Variants in CLDN10 observed in about 807,000 individuals in gnomAD.
CLDN10 encodes the protein claudin 10, also known as claudin-10.
Under a neutral mutation model 22.9 loss-of-function variants are expected in CLDN10, and 15 were observed. That is an observed-to-expected ratio of 0.65 (90% CI 0.44 to 1.01). The LOEUF (loss-of-function observed/expected upper bound fraction) is 1.01, where lower values mean the gene tolerates loss of function less well. Among genes scored for constraint, CLDN10 ranks in the 50% least tolerant of loss-of-function variants. The pLI is 0.00. For missense variants in CLDN10, 247 were observed against 287.8 expected (o/e 0.86, Z 1.03); for synonymous variants, 114 against 111.4 (o/e 1.02, Z -0.15).
intron 3 of CLDN10, among the ~76,000 whole-genome samples, chr13:95,564,949 C>T (rs2043763655): frequency 6.6e-6 from 1 of 152,146 alleles, no homozygotes; most frequent in South Asian, 2.1e-4. Flanking sequence ...AGAGTTTCAT[C>T]GTGTTCTGCT....
chr13:95,450,988 G>A (rs946897830), intron 1 of CLDN10, among the ~76,000 whole-genome samples: 2 of 152,172 alleles, frequency 1.3e-5, no homozygotes, highest in African/African-American at 2.4e-5. Flanking sequence ...GACCTCTTGT[G>A]CTAGGAGCTT....
chr13:95,560,737 A>C, intron 3 of CLDN10: 1 of 355,378 alleles, frequency 2.8e-6, no homozygotes. Context: ...ACATCATGAA[A>C]CTGAGGTCAA....
intron 1 of CLDN10, among the ~76,000 whole-genome samples, chr13:95,543,104 TGCC>T (rs1408918310): frequency 6.6e-6 from 1 of 152,098 alleles, no homozygotes; most frequent in Admixed American, 6.6e-5. Context: ...TAGTGTCACA[TGCC>T]TGTAACCCCA....
At chr13:95,483,057 A>G (rs934026474) in intron 1 of CLDN10, among the ~76,000 whole-genome samples, 1 of 152,230 alleles carries the variant, frequency 6.6e-6, no homozygotes, top group Non-Finnish European at 1.5e-5. Flanking sequence ...CTGGTGAGAA[A>G]TGATTCTCCA....
chr13:95,496,207 G>A (rs1332659196), intron 1 of CLDN10, among the ~76,000 whole-genome samples: 1 of 152,106 alleles, frequency 6.6e-6, no homozygotes, highest in South Asian at 2.1e-4. Flanking sequence ...CATCCCACCT[G>A]GTAAATAAGC....
intron 1 of CLDN10, among the ~76,000 whole-genome samples, chr13:95,499,626 G>A (rs1381690837): frequency 1.3e-5 from 2 of 152,188 alleles, no homozygotes; most frequent in African/African-American, 4.8e-5. Flanking sequence ...GGGGCAGACT[G>A]AGCGATCCAG....
Position 95,470,378 on chromosome 13 carries a change from G to A in CLDN10, c.214+36331G>A, listed in dbSNP as rs1326610141. ...ACCTCCCACCTCAGCCTTCCAAGCA[G>A]CTGGAACCATAGGTGCGCACCATCA... On this transcript the variant is annotated intron_variant, in intron 1 of 4. Coordinates refer to the CLDN10 transcript ENST00000376873. 3.3e-5 allele frequency among the ~76,000 whole-genome samples: 5 copies of A among 152,276 alleles called. No individual in the cohort carries two copies. The South Asian group carries it at 8.3e-4, about 25-fold the overall frequency.
intron 1 of CLDN10, among the ~76,000 whole-genome samples, chr13:95,517,657 C>T (rs975096985): frequency 6.6e-6 from 1 of 152,100 alleles, no homozygotes; most frequent in Non-Finnish European, 1.5e-5. Context: ...AGACTGAGGT[C>T]GGGCGCGGTG....
chr13:95,504,537 G>A (rs753305454), intron 1 of CLDN10, among the ~76,000 whole-genome samples: 4 of 151,996 alleles, frequency 2.6e-5, no homozygotes, highest in East Asian at 1.9e-4. Context: ...GTGCCACCAC[G>A]CCCAGCTAAT....
At chr13:95,521,821 T>C (rs2138585837) in intron 1 of CLDN10, among the ~76,000 whole-genome samples, 1 of 152,238 alleles carries the variant, frequency 6.6e-6, no homozygotes, top group South Asian at 2.1e-4. Context: ...AAGATTTAAA[T>C]TGCCTCTCTC....
chr13:95,462,360 G>T (rs1461350345), intron 1 of CLDN10, among the ~76,000 whole-genome samples: 7 of 152,030 alleles, frequency 4.6e-5, no homozygotes, highest in South Asian at 2.1e-4. Context: ...TACTTATTTT[G>T]TTCATTCTGC....
In CLDN10 at chr13:95,497,317, C is replaced by A. The variant is rs116879212; in HGVS notation, c.215-62815C>A. On this transcript the variant is annotated intron_variant, in intron 1 of 4. Transcript: ENST00000376873. ...ATCATGGTCAAGCTTCTATTTTAGG[C>A]TCTTAGAGGACAATATAGCATTGAA... Among the ~76,000 whole-genome samples the A allele has an allele frequency of 8.5e-4, 130 of 152,210 alleles. 2 individuals carry two copies. The East Asian group carries it at 0.023, about 27-fold the overall frequency.
At chr13:95,470,069 G>C (rs1594540483) in intron 1 of CLDN10, among the ~76,000 whole-genome samples, 1 of 152,098 alleles carries the variant, frequency 6.6e-6, no homozygotes. Flanking sequence ...ACAATGTACT[G>C]GGCTACATGG....
At chr13:95,519,597 A>G (rs1594583113) in intron 1 of CLDN10, among the ~76,000 whole-genome samples, 1 of 152,236 alleles carries the variant, frequency 6.6e-6, no homozygotes, top group East Asian at 1.9e-4. Flanking sequence ...AGAAATTTTC[A>G]CAATGCCATA....
intron 1 of CLDN10, among the ~76,000 whole-genome samples, chr13:95,471,886 C>T (rs1321406382): frequency 1.3e-5 from 2 of 151,744 alleles, no homozygotes; most frequent in Non-Finnish European, 2.9e-5. Context: ...TCAGTCTTCC[C>T]GCCTCAGCCT....
At chr13:95,514,295 C>T (rs192062353) in intron 1 of CLDN10, among the ~76,000 whole-genome samples, 3 of 152,104 alleles carry the variant, frequency 2.0e-5, no homozygotes, top group Non-Finnish European at 2.9e-5. Context: ...ACCTTCCAGC[C>T]TATTGACTTC....
intron 1 of CLDN10, among the ~76,000 whole-genome samples, chr13:95,485,797 G>A (rs750994139): frequency 1.3e-5 from 2 of 152,170 alleles, no homozygotes; most frequent in African/African-American, 2.4e-5. Flanking sequence ...CCTCTGGGGT[G>A]ACTTTCCTGG....
At chr13:95,491,872 A>T (rs992605649) in intron 1 of CLDN10, among the ~76,000 whole-genome samples, 6 of 151,338 alleles carry the variant, frequency 4.0e-5, no homozygotes, top group African/African-American at 1.2e-4. Flanking sequence ...TTGATGTAGT[A>T]CACCCCCCTT....
chr13:95,552,828 G>C lies in CLDN10; in HGVS notation c.75G>C (p.Leu25=), dbSNP rs200066195. Residue 25 remains leucine, a synonymous_variant, in exon 1 of 5, where the codon CTG becomes CTC. Transcript: ENST00000299339. ...GCTGGGTACTGGTGTCCTCCACGCT[G>C]CCCACCGACTACTGGAAGGTGTCTA... The part of the protein sequence containing the change: ...ISGWVLVSST[L]PTDYWKVSTI... The C allele has an allele frequency of 6.8e-6, 11 of 1,614,094 alleles. No individual in the cohort carries two copies. In the East Asian group the frequency reaches 2.0e-4, roughly 29 times the overall value.
Sources: allele counts gnomAD v4.1 joint callset (sites outside exome capture counted in the v4.1 genomes callset), GRCh38; gene constraint gnomAD v4.1.1; transcripts MANE v1.5; gene names NCBI Gene and HGNC (gene_info 2026-07-23, HGNC 2026-07-21).